SOX5: variants seen among roughly 807,000 people sequenced by gnomAD.
SOX5 encodes SRY-box transcription factor 5.
In SOX5, 9 loss-of-function variants were observed where a neutral mutation model predicts 92.0. The observed-to-expected ratio is 0.10, with a 90% CI of 0.06 to 0.17. The LOEUF is 0.17. SOX5 is among the 10% of genes least tolerant of loss of function. The probability of loss-of-function intolerance (pLI) is 1.00; values close to 1 mark genes in which losing one functional copy is unlikely to be tolerated. For missense variants in SOX5, 642 were observed against 944.5 expected (o/e 0.68, Z 4.20); for synonymous variants, 344 against 336.3 (o/e 1.02, Z -0.25).
intron 7 of SOX5, among the ~76,000 whole-genome samples, chr12:23,653,144 A>T (rs1008946018): frequency 1.3e-5 from 2 of 152,036 alleles, no homozygotes; most frequent in African/African-American, 4.8e-5. Context: ...CTCCTGCAGC[A>T]TATGTCTAAA....
intron 1 of SOX5, among the ~76,000 whole-genome samples, chr12:23,925,052 T>G (rs1365490018): frequency 6.6e-6 from 1 of 152,098 alleles, no homozygotes; most frequent in Non-Finnish European, 1.5e-5. Context: ...TGGTGTATTG[T>G]TCATGTATCA....
chr12:23,912,609 A>C (rs895264883), intron 1 of SOX5, among the ~76,000 whole-genome samples: 2 of 152,206 alleles, frequency 1.3e-5, no homozygotes, highest in Non-Finnish European at 2.9e-5. Flanking sequence ...ATGATGAATG[A>C]AAAAACAATA....
intron 1 of SOX5, among the ~76,000 whole-genome samples, chr12:24,461,805 T>C (rs1037170227): frequency 1.3e-5 from 2 of 152,212 alleles, no homozygotes; most frequent in East Asian, 1.9e-4. Context: ...CTTTAAAGTT[T>C]ATAATAACTA....
In SOX5 at chr12:23,583,123, T is replaced by G. The variant is rs549712992; in HGVS notation, c.1165-7285A>C. The stretch of plus-strand genomic sequence containing the variant: ...TTTTAATTTCAAAAATTGCCTTGAA[T>G]TAATCCAAATAGTGCCACACCATTC... On this transcript the variant is annotated intron_variant, in intron 9 of 14. Transcript: ENST00000451604. 2.0e-5 allele frequency among the ~76,000 whole-genome samples: 3 copies of G among 152,220 alleles called. No individual in the cohort carries two copies. The South Asian group carries it at 6.2e-4, about 32-fold the overall frequency.
In SOX5 at chr12:24,104,240, C is replaced by A. The variant is rs190843580; in HGVS notation, c.-2+109103G>T. On this transcript the variant is annotated intron_variant, in intron 4 of 4. Coordinates refer to the SOX5 transcript ENST00000446891. ...ACATAGAAATTAGAAAATATTATCACAATAAAATTAGTTCAAAAATTCCAT... is the reference window on the plus strand; with the variant it reads ...ACATAGAAATTAGAAAATATTATCAAAATAAAATTAGTTCAAAAATTCCAT... Among the ~76,000 whole-genome samples the A allele has an allele frequency of 2.9e-3, 438 of 152,162 alleles. 5 individuals are homozygous for A. Among genetic ancestry groups the A allele is most frequent in the Admixed American group, 9.6e-3 (146 of 15,286 alleles).
chr12:24,032,836 A>T lies in SOX5; in HGVS notation c.-1-136812T>A, dbSNP rs111750322. Among the ~76,000 whole-genome samples the T allele has an allele frequency of 1.2e-4, 18 of 152,050 alleles. 1 individual carries two copies. The highest frequency in any genetic ancestry group is 4.1e-4 in the African/African-American group (17 of 41,530). ...GTTAATGAATAGCATTTTATTTTCA[A>T]TTAAATTACTTTCAAACTACACTCT... On this transcript the variant is annotated intron_variant, in intron 4 of 4. Transcript: ENST00000446891.
chr12:24,017,905 G>A (rs148998201), intron 4 of SOX5, among the ~76,000 whole-genome samples: 256 of 152,208 alleles, frequency 1.7e-3, no homozygotes, highest in Non-Finnish European at 2.7e-3. Flanking sequence ...GGAAAGATGC[G>A]TTGTCAGGGG....
intron 3 of SOX5, among the ~76,000 whole-genome samples, chr12:23,796,527 C>T (rs1294426351): frequency 6.6e-6 from 1 of 151,916 alleles, no homozygotes; most frequent in East Asian, 1.9e-4. Context: ...CAAGCAGGCA[C>T]CAAATATAAG....
At chr12:24,347,124 G>A (rs1000930994) in intron 2 of SOX5, among the ~76,000 whole-genome samples, 4 of 152,136 alleles carry the variant, frequency 2.6e-5, no homozygotes, top group Non-Finnish European at 5.9e-5. Context: ...ATCTAGGATA[G>A]AAAATATTTG....
chr12:24,218,061 G>C (rs1225342614), intron 3 of SOX5, among the ~76,000 whole-genome samples: 1 of 152,146 alleles, frequency 6.6e-6, no homozygotes, highest in East Asian at 1.9e-4. Flanking sequence ...ATGGAAAGTG[G>C]TTTGCAATTC....
At chr12:24,046,889 G>GT in intron 4 of SOX5, among the ~76,000 whole-genome samples, 1 of 151,526 alleles carries the variant, frequency 6.6e-6, no homozygotes, top group South Asian at 2.1e-4. Flanking sequence ...GTATCACCAT[G>GT]TTGGCAAGGC....
chr12:23,743,012 T>G (rs182481424), intron 4 of SOX5, among the ~76,000 whole-genome samples: 5 of 152,260 alleles, frequency 3.3e-5, no homozygotes, highest in Non-Finnish European at 4.4e-5. Flanking sequence ...ACTAATTGTT[T>G]TAAATGAAAT....
At position 23,850,944 on chromosome 12, in the gene SOX5, T is replaced by C. The variant is rs193197483; in HGVS notation, c.271-4751A>G. Among the ~76,000 whole-genome samples, 11 of 152,298 alleles carry C rather than the reference T, an allele frequency of 7.2e-5. No individual in the cohort carries two copies. The East Asian group carries it at 2.1e-3, about 29-fold the overall frequency. ...CCAGTTATGAACCTCCCCTAGGAAA[T>C]TCGCTATGAACTCTTATGAACCATG... On this transcript the variant is annotated intron_variant, in intron 2 of 14. Coordinates refer to ENST00000451604, the MANE Select transcript of SOX5 (RefSeq NM_006940.6).
intron 2 of SOX5, among the ~76,000 whole-genome samples, chr12:24,361,552 T>C (rs1304460653): frequency 6.6e-6 from 1 of 150,790 alleles, no homozygotes; most frequent in Admixed American, 6.6e-5. Flanking sequence ...TGACAGGTAC[T>C]CTAAGTATTC....
intron 6 of SOX5, among the ~76,000 whole-genome samples, chr12:23,700,377 A>T (rs749025992): frequency 8.5e-5 from 13 of 152,056 alleles, no homozygotes; most frequent in Non-Finnish European, 1.6e-4. Flanking sequence ...TGTGTTCTAG[A>T]CCCATCTTAA....
chr12:24,036,831 T>A (rs1302109942), intron 4 of SOX5, among the ~76,000 whole-genome samples: 1 of 152,202 alleles, frequency 6.6e-6, no homozygotes, highest in Admixed American at 6.5e-5. Context: ...AGTTATCTAA[T>A]GTTGGTAAAC....
intron 2 of SOX5, among the ~76,000 whole-genome samples, chr12:24,285,076 T>C (rs1000074437): frequency 1.3e-5 from 2 of 151,926 alleles, no homozygotes; most frequent in African/African-American, 4.8e-5. Context: ...GAGGTGGCAG[T>C]GAATGGAGAT....
At chr12:24,333,454 C>T (rs1216322109) in intron 2 of SOX5, among the ~76,000 whole-genome samples, 1 of 151,946 alleles carries the variant, frequency 6.6e-6, no homozygotes, top group African/African-American at 2.4e-5. Flanking sequence ...TTAACGGGAT[C>T]TTAAGAGATT....
At chr12:23,790,297 T>G (rs1034637937) in intron 3 of SOX5, among the ~76,000 whole-genome samples, 6 of 152,184 alleles carry the variant, frequency 3.9e-5, no homozygotes, top group African/African-American at 1.4e-4. Context: ...AATCATATCT[T>G]AAGTGTCATG....
Sources: gnomAD v4.1 joint callset for allele counts (sites outside exome capture counted in the v4.1 genomes callset) on GRCh38, gnomAD v4.1.1 for gene constraint, MANE v1.5 for transcripts, NCBI Gene and HGNC (gene_info 2026-07-23, HGNC 2026-07-21) for gene names.